The following ANKRD30A variants were observed in gnomAD, a reference collection of about 807,000 sequenced individuals.
ANKRD30A encodes ankyrin repeat domain-containing protein 30A.
In ANKRD30A, 170 loss-of-function variants were observed where a neutral mutation model predicts 166.3. The observed-to-expected ratio is 1.02, with a 90% CI of 0.90 to 1.16. ANKRD30A has a LOEUF of 1.16. Among genes scored for constraint, ANKRD30A ranks in the 50% most tolerant of loss-of-function variants. The probability of loss-of-function intolerance (pLI) is 0.00; values close to 1 mark genes in which losing one functional copy is unlikely to be tolerated. For synonymous variants in ANKRD30A, 564 were observed against 508.9 expected (o/e 1.11, Z -1.46); for missense variants, 1,630 against 1,518.0 (o/e 1.07, Z -1.23).
chr10:37,201,194 A>AT (rs774617870), intron 30 of ANKRD30A, 41 bp from the exon 31 acceptor site: 21 of 1,415,618 alleles, frequency 1.5e-5, no homozygotes, highest in Non-Finnish European at 2.0e-5. Flanking sequence ...CATTATTAGG[A>AT]TTTTTCCATT....
the ANKRD30A span, among the ~76,000 whole-genome samples, chr10:37,258,854 T>C: frequency 6.7e-6 from 1 of 149,294 alleles, no homozygotes; most frequent in South Asian, 2.1e-4. Flanking sequence ...TCCCAGCTAC[T>C]CGGGAGGCTG....
the ANKRD30A span, among the ~76,000 whole-genome samples, chr10:37,255,295 G>T: frequency 4.6e-5 from 7 of 152,178 alleles, no homozygotes; most frequent in East Asian, 1.4e-3. Context: ...AAGGGGGAGG[G>T]TGATAAGAAA....
At chr10:37,203,314 T>G (rs1841774840) in intron 31 of ANKRD30A, among the ~76,000 whole-genome samples, 1 of 152,238 alleles carries the variant, frequency 6.6e-6, no homozygotes, top group Non-Finnish European at 1.5e-5. Flanking sequence ...ATCCCTGGGA[T>G]GCAAGGCTGG....
Position 37,129,958 on chromosome 10 carries a change from A to T in ANKRD30A, c.287A>T (p.Lys96Met). Residue 96 changes from lysine (K) to methionine (M), a missense_variant, in exon 2 of 36, where the codon AAG becomes ATG. Lys to Met is a moderately conservative substitution (Grantham distance 95). Coordinates refer to ENST00000361713, the MANE Select transcript of ANKRD30A (RefSeq NM_052997.3). The stretch of plus-strand genomic sequence containing the variant: ...GTAGTAACATTTCTGGTAGACAGAA[A>T]GTGCCAGCTTGACGTCCTTGATGGC... ...EEVVTFLVDRKCQLDVLDGEH... is the reference protein window; with the variant it reads ...EEVVTFLVDRMCQLDVLDGEH... 1 of 1,581,042 alleles carries T rather than the reference A, an allele frequency of 6.3e-7. No homozygotes were observed. The highest frequency in any genetic ancestry group is 8.6e-7 in the Non-Finnish European group (1 of 1,161,540).
intron 34 of ANKRD30A, among the ~76,000 whole-genome samples, chr10:37,220,828 A>G (rs1842865253): frequency 6.6e-6 from 1 of 151,144 alleles, no homozygotes; most frequent in Admixed American, 6.6e-5. Context: ...AGAGAAACAC[A>G]GCAGCTGAGG....
chr10:37,142,570 C>CTTTTTT (rs869026268), intron 7 of ANKRD30A, among the ~76,000 whole-genome samples: 6 of 78,970 alleles, frequency 7.6e-5, no homozygotes, highest in South Asian at 4.5e-4. Context: ...TAGGATCACA[C>CTTTTTT]TTTTTTTTTT....
chr10:37,246,553 C>A, the ANKRD30A span, among the ~76,000 whole-genome samples: 1 of 152,172 alleles, frequency 6.6e-6, no homozygotes, highest in Non-Finnish European at 1.5e-5. Flanking sequence ...CTTAAAAACA[C>A]TAGACATTTT....
At chr10:37,192,090 G>A (rs946256960) in intron 25 of ANKRD30A, among the ~76,000 whole-genome samples, 2 of 151,992 alleles carry the variant, frequency 1.3e-5, no homozygotes, top group African/African-American at 4.8e-5. Flanking sequence ...AGGCTGGAGT[G>A]CAATGGCATG....
intron 3 of ANKRD30A, among the ~76,000 whole-genome samples, chr10:37,131,477 A>G (rs1836375727): frequency 6.6e-6 from 1 of 152,204 alleles, no homozygotes; most frequent in Non-Finnish European, 1.5e-5. Flanking sequence ...ACCATTTAAT[A>G]ATAAGCAATC....
Position 37,183,493 on chromosome 10 carries a change from TTCTC to T in ANKRD30A, c.2422-5970_2422-5967del, listed in dbSNP as rs1164762245. On this transcript the variant is annotated intron_variant, in intron 24 of 35. Coordinates refer to ENST00000361713, the MANE Select transcript of ANKRD30A (RefSeq NM_052997.3). ...GTCTGAAGTTGCACCTCTGAGTCTT[TTCTC>T]TCTTTTTCTTTTTTAAAAAGATATA... Among the ~76,000 whole-genome samples the T allele has an allele frequency of 9.5e-5, 14 of 146,976 alleles. 1 individual carries two copies. In the East Asian group the frequency reaches 2.4e-3, roughly 25 times the overall value.
At chr10:37,236,680 G>T (rs1843688937), downstream of ANKRD30A, among the ~76,000 whole-genome samples, 1 of 152,144 alleles carries the variant, frequency 6.6e-6, no homozygotes, top group African/African-American at 2.4e-5. Flanking sequence ...TTAAGTTCAG[G>T]TTTGTCTTTG....
At chr10:37,151,339 G>A (rs115761528) in intron 11 of ANKRD30A, among the ~76,000 whole-genome samples, 10,023 of 152,106 alleles carry the variant, frequency 0.066, 421 homozygotes, top group Middle Eastern at 0.11. Flanking sequence ...ATGTGGGAAC[G>A]TTAGATTACT....
At position 37,219,109 on chromosome 10, in the gene ANKRD30A, T is replaced by A. The variant is rs1436653673; in HGVS notation, c.3397T>A (p.Phe1133Ile). Residue 1133 changes from phenylalanine (F) to isoleucine (I), a missense_variant, in exon 34 of 36, where the codon TTT becomes ATT. Phe to Ile is a conservative substitution (Grantham distance 21). Coordinates refer to ENST00000361713, the MANE Select transcript of ANKRD30A (RefSeq NM_052997.3). The part of the protein sequence containing the change: ...HQYQEKENKY[F>I]EDIKILKEKN... ...ATACCAGGAAAAGGAAAATAAATAC[T>A]TTGAGGACATTAAGATTTTAAAAGA... The A allele has an allele frequency of 1.9e-6, 3 of 1,609,676 alleles. No individual in the cohort carries two copies. The South Asian group carries it at 3.3e-5, about 18-fold the overall frequency.
intron 31 of ANKRD30A, among the ~76,000 whole-genome samples, chr10:37,203,077 T>C (rs1223889361): frequency 6.6e-6 from 1 of 152,128 alleles, no homozygotes; most frequent in African/African-American, 2.4e-5. Flanking sequence ...CTGATACCAT[T>C]CCTTCTGAAA....
chr10:37,193,117 T>G (rs766211661), intron 26 of ANKRD30A, 25 bp downstream of exon 26: 1 of 1,605,276 alleles, frequency 6.2e-7, no homozygotes, highest in African/African-American at 1.3e-5. Flanking sequence ...ATTTTTATCT[T>G]GAGTATTAAC....
intron 21 of ANKRD30A, among the ~76,000 whole-genome samples, chr10:37,172,160 G>T (rs1201827): frequency 1.0e-5 from 1 of 95,662 alleles, no homozygotes; most frequent in Non-Finnish European, 2.3e-5. Flanking sequence ...CCTGACTAAC[G>T]CGGTGAAACC....
chr10:37,230,066 T>A (rs1008123324), intron 34 of ANKRD30A, among the ~76,000 whole-genome samples: 6 of 152,100 alleles, frequency 3.9e-5, no homozygotes, highest in Non-Finnish European at 7.4e-5. Flanking sequence ...TAAGAGAGCA[T>A]GATATTGTTT....
intron 15 of ANKRD30A, among the ~76,000 whole-genome samples, chr10:37,159,670 C>A (rs1259558117): frequency 6.6e-6 from 1 of 151,798 alleles, no homozygotes; most frequent in Non-Finnish European, 1.5e-5. Flanking sequence ...AAATTTTCTT[C>A]TATTTTTGTT....
At chr10:37,143,916 T>A (rs1163536302) in intron 7 of ANKRD30A, among the ~76,000 whole-genome samples, 1 of 101,320 alleles carries the variant, frequency 9.9e-6, no homozygotes, top group Non-Finnish European at 2.3e-5. Flanking sequence ...TGCTATAGTC[T>A]TTTTTTTTTT....
Sources: gnomAD v4.1 joint callset for allele counts (sites outside exome capture counted in the v4.1 genomes callset) on GRCh38, gnomAD v4.1.1 for gene constraint, MANE v1.5 for transcripts, NCBI Gene and HGNC (gene_info 2026-07-23, HGNC 2026-07-21) for gene names.